The following AFF3 variants were observed in gnomAD, a reference collection of about 807,000 sequenced individuals.
The protein encoded by AFF3 is AF4/FMR2 family member 3.
Under a neutral mutation model 129.7 loss-of-function variants are expected in AFF3, and 32 were observed. The ratio of observed to expected loss-of-function variants is 0.25; its 90% CI spans 0.19 to 0.33. The LOEUF is 0.33. AFF3 is among the 10% of genes least tolerant of loss of function. The pLI is 1.00. For synonymous variants in AFF3, 644 were observed against 635.4 expected (o/e 1.01, Z -0.20); for missense variants, 1,373 against 1,592.0 (o/e 0.86, Z 2.34).
Position 99,553,917 on chromosome 2 carries a change from C to CAAA in AFF3, c.3559+393_3559+394insTTT, listed in dbSNP as rs1674649199. Among the ~76,000 whole-genome samples the CAAA allele has an allele frequency of 2.3e-3, 169 of 72,418 alleles. 1 individual carries two copies. The highest frequency in any genetic ancestry group is 3.4e-3 in the African/African-American group (47 of 13,988). 47.5% of individuals were successfully genotyped at this position (72,418 alleles called of 152,430 possible). On this transcript the variant is annotated intron_variant, in intron 24 of 24. Coordinates refer to ENST00000672756, the MANE Select transcript of AFF3 (RefSeq NM_001386135.1). The stretch of plus-strand genomic sequence containing the variant: ...CAACAGAGCAAGATTCTGTCTCAAA[C>CAAA]CAAAAAAAAAAAAAAAAAAAAAAAG...
At chr2:99,556,583 T>G (rs1192995311) in intron 22 of AFF3, among the ~76,000 whole-genome samples, 1 of 152,190 alleles carries the variant, frequency 6.6e-6, no homozygotes, top group Non-Finnish European at 1.5e-5. Flanking sequence ...CAAATTGTCT[T>G]GGGTACCTAA....
At chr2:99,920,768 T>C (rs1172029667) in intron 7 of AFF3, among the ~76,000 whole-genome samples, 1 of 152,088 alleles carries the variant, frequency 6.6e-6, no homozygotes, top group South Asian at 2.1e-4. Flanking sequence ...TTATTCATCA[T>C]GTGTATGTAA....
chr2:99,570,415 C>A (rs147780871), intron 18 of AFF3, among the ~76,000 whole-genome samples: 1 of 152,268 alleles, frequency 6.6e-6, no homozygotes, highest in East Asian at 1.9e-4. Context: ...ACCCATACTG[C>A]AGCATCAACC....
At chr2:99,946,473 TAAAAAAAA>T (rs55672296) in intron 7 of AFF3, among the ~76,000 whole-genome samples, 22 of 50,504 alleles carry the variant, frequency 4.4e-4, no homozygotes, top group Middle Eastern at 0.011. Context: ...GACGCCATCT[TAAAAAAAA>T]AAAAAAAAAA....
chr2:99,551,314 T>A lies in AFF3; in HGVS notation c.*160A>T. On this transcript the variant is annotated 3_prime_UTR_variant, in exon 25 of 25. Coordinates refer to ENST00000672756, the MANE Select transcript of AFF3 (RefSeq NM_001386135.1). Reference sequence around the variant, plus strand: ...AGGCGGCTTCTTATATACCCACACATACAAACACACATGCCCTGCAAAAGA... The same window carrying A: ...AGGCGGCTTCTTATATACCCACACAAACAAACACACATGCCCTGCAAAAGA... 9.5e-7 allele frequency: 1 copy of A among 1,056,976 alleles called. No homozygotes were observed. The highest frequency in any genetic ancestry group is 1.3e-6 in the Non-Finnish European group (1 of 747,154). The allele number at this position is 1,056,976 out of a possible 1,614,324, so 65.5% of individuals were successfully genotyped here. A position where few individuals can be genotyped will look rare whatever the true frequency, so the allele number is the denominator to read the frequency against.
At chr2:99,729,717 A>C in intron 10 of AFF3, among the ~76,000 whole-genome samples, 1 of 151,988 alleles carries the variant, frequency 6.6e-6, no homozygotes, top group East Asian at 1.9e-4. Context: ...ACATTAGTAC[A>C]AATTTTTTTT....
At chr2:99,797,095 T>C (rs543656781) in intron 8 of AFF3, among the ~76,000 whole-genome samples, 1 of 152,190 alleles carries the variant, frequency 6.6e-6, no homozygotes, top group Non-Finnish European at 1.5e-5. Context: ...CAGATCACCA[T>C]ACGTGCAAAG....
chr2:100,141,564 CT>C (rs1380863360), intron 1 of AFF3, among the ~76,000 whole-genome samples: 1 of 152,200 alleles, frequency 6.6e-6, no homozygotes, highest in African/African-American at 2.4e-5. Context: ...TTTACCACCA[CT>C]TTGTTATTGT....
chr2:99,750,626 A>G (rs1206894823), intron 9 of AFF3, among the ~76,000 whole-genome samples: 1 of 151,994 alleles, frequency 6.6e-6, no homozygotes, highest in East Asian at 1.9e-4. Context: ...TATGTTGCCC[A>G]AGCTGGTCTT....
At chr2:100,087,995 C>T (rs1327888877) in intron 4 of AFF3, among the ~76,000 whole-genome samples, 1 of 151,126 alleles carries the variant, frequency 6.6e-6, no homozygotes, top group Non-Finnish European at 1.5e-5. Flanking sequence ...AAACACTCAA[C>T]AAACTAGGAA....
intron 18 of AFF3, among the ~76,000 whole-genome samples, chr2:99,571,503 G>A (rs989421625): frequency 2.6e-5 from 4 of 152,124 alleles, no homozygotes; most frequent in Non-Finnish European, 4.4e-5. Context: ...TTTAAATCCT[G>A]ATATGGAGGC....
chr2:100,037,677 T>G (rs1437517978), intron 4 of AFF3, among the ~76,000 whole-genome samples: 1 of 117,846 alleles, frequency 8.5e-6, no homozygotes, highest in East Asian at 2.1e-4. Context: ...TATTTATATA[T>G]AAATATATAT....
intron 4 of AFF3, among the ~76,000 whole-genome samples, chr2:100,056,136 A>G (rs1433175804): frequency 6.6e-6 from 1 of 150,970 alleles, no homozygotes; most frequent in Non-Finnish European, 1.5e-5. Context: ...AAACTCATCA[A>G]ACTGTATTAT....
At chr2:99,661,968 C>T (rs748534011) in intron 12 of AFF3, among the ~76,000 whole-genome samples, 7 of 152,054 alleles carry the variant, frequency 4.6e-5, no homozygotes, top group Non-Finnish European at 8.8e-5. Context: ...GGTGAAACCC[C>T]GTCTCTACTA....
chr2:99,992,718 G>A (rs1436167504), intron 7 of AFF3, among the ~76,000 whole-genome samples: 1 of 152,218 alleles, frequency 6.6e-6, no homozygotes, highest in East Asian at 1.9e-4. Flanking sequence ...CAGGTGTTAA[G>A]AAAATGAGGA....
At chr2:100,087,304 A>G (rs991069852) in intron 4 of AFF3, among the ~76,000 whole-genome samples, 1 of 152,194 alleles carries the variant, frequency 6.6e-6, no homozygotes, top group African/African-American at 2.4e-5. Flanking sequence ...ATATCTTCCC[A>G]TCATGTAACA....
At chr2:99,666,574 T>C (rs1445706455) in intron 12 of AFF3, among the ~76,000 whole-genome samples, 1 of 152,194 alleles carries the variant, frequency 6.6e-6, no homozygotes, top group Non-Finnish European at 1.5e-5. Flanking sequence ...TAAATGTAAA[T>C]GGTCTAAATG....
At chr2:100,000,062 G>A (rs996150884) in intron 7 of AFF3, among the ~76,000 whole-genome samples, 1 of 152,170 alleles carries the variant, frequency 6.6e-6, no homozygotes, top group Non-Finnish European at 1.5e-5. Context: ...TTCATCTACT[G>A]TAAATGTATT....
intron 15 of AFF3, among the ~76,000 whole-genome samples, chr2:99,589,816 A>T (rs1678491284): frequency 6.6e-6 from 1 of 152,328 alleles, no homozygotes; most frequent in Admixed American, 6.5e-5. Context: ...GCGCAAAATG[A>T]AAACGCTGGG....
Sources: gnomAD v4.1 joint callset for allele counts (sites outside exome capture counted in the v4.1 genomes callset) on GRCh38, gnomAD v4.1.1 for gene constraint, MANE v1.5 for transcripts, NCBI Gene and HGNC (gene_info 2026-07-23, HGNC 2026-07-21) for gene names.